CLSTN2: variants seen among roughly 807,000 people sequenced by gnomAD.
CLSTN2 encodes calsyntenin-2.
In CLSTN2, 48 loss-of-function variants were observed where a neutral mutation model predicts 101.2. The ratio of observed to expected loss-of-function variants is 0.47; its 90% CI spans 0.38 to 0.60. The LOEUF (loss-of-function observed/expected upper bound fraction) is 0.60, where lower values mean the gene tolerates loss of function less well. Among genes scored for constraint, CLSTN2 ranks in the 20% least tolerant of loss-of-function variants. The pLI is 0.00. For missense variants in CLSTN2, 1,160 were observed against 1,238.2 expected (o/e 0.94, Z 0.95); for synonymous variants, 481 against 463.6 (o/e 1.04, Z -0.48).
chr3:140,546,736 C>G (rs1209892276), intron 10 of CLSTN2, 55 bp downstream of exon 10: 7 of 1,472,326 alleles, frequency 4.8e-6, no homozygotes, highest in Middle Eastern at 2.5e-4. Flanking sequence ...GATGCCCAGC[C>G]TGCACAGCGC....
intron 2 of CLSTN2, among the ~76,000 whole-genome samples, chr3:140,296,113 T>C (rs1231292047): frequency 1.3e-5 from 2 of 152,214 alleles, no homozygotes; most frequent in African/African-American, 4.8e-5. Context: ...GTGTCTTTTC[T>C]TGCATCTACC....
intron 2 of CLSTN2, among the ~76,000 whole-genome samples, chr3:140,280,475 G>A (rs1344748368): frequency 1.2e-4 from 19 of 152,174 alleles, no homozygotes; most frequent in Non-Finnish European, 2.8e-4. Flanking sequence ...AGGCAGCTAG[G>A]ACTAGTTTGA....
intron 1 of CLSTN2, among the ~76,000 whole-genome samples, chr3:139,977,078 A>G (rs906213643): frequency 6.6e-6 from 1 of 152,064 alleles, no homozygotes; most frequent in Non-Finnish European, 1.5e-5. Context: ...CAAAACCTCA[A>G]ACTCTCTATC....
chr3:139,944,001 C>T (rs1443051484), intron 1 of CLSTN2, among the ~76,000 whole-genome samples: 2 of 152,160 alleles, frequency 1.3e-5, no homozygotes, highest in African/African-American at 4.8e-5. Flanking sequence ...TACGATTTTG[C>T]CCATCTGGCC....
intron 1 of CLSTN2, among the ~76,000 whole-genome samples, chr3:140,136,751 A>G (rs542369338): frequency 3.9e-5 from 6 of 152,328 alleles, no homozygotes; most frequent in Admixed American, 1.3e-4. Context: ...GGAAAACCCA[A>G]TGAACCCTGA....
chr3:140,353,876 C>T (rs1213940437), intron 2 of CLSTN2, among the ~76,000 whole-genome samples: 1 of 152,126 alleles, frequency 6.6e-6, no homozygotes, highest in Non-Finnish European at 1.5e-5. Flanking sequence ...AAACAGGCTG[C>T]TTTGTGATTG....
At chr3:140,202,723 T>C (rs2010732384) in intron 2 of CLSTN2, among the ~76,000 whole-genome samples, 1 of 151,902 alleles carries the variant, frequency 6.6e-6, no homozygotes. Flanking sequence ...GAAAAGGAGA[T>C]AGAATAAATG....
At chr3:140,089,943 G>T in intron 1 of CLSTN2, among the ~76,000 whole-genome samples, 1 of 148,116 alleles carries the variant, frequency 6.8e-6, no homozygotes, top group East Asian at 2.0e-4. Flanking sequence ...CCTGAGAGGG[G>T]CTCCTGGCTG....
At position 140,421,271 on chromosome 3, in the gene CLSTN2, C is replaced by G. The variant is rs768079659; in HGVS notation, c.784C>G (p.Gln262Glu). 2 of 1,614,064 alleles carry G rather than the reference C, an allele frequency of 1.2e-6. No individual in the cohort carries two copies. Among genetic ancestry groups the G allele is most frequent in the East Asian group, 4.5e-5 (2 of 44,876 alleles). ...DVKPVCKPGWQDWTKRIEYQP... is the reference protein window; with the variant it reads ...DVKPVCKPGWEDWTKRIEYQP... ...GAAGCCAGTTTGCAAGCCTGGCTGG[C>G]AAGGTGGGCCTGTTTTATCAGTCTT... The change falls in exon 5 of 17, where the codon CAA (glutamine) becomes GAA (glutamate). Residue 262 changes from glutamine (Q) to glutamate (E), a missense_variant. Coordinates refer to ENST00000458420, the MANE Select transcript of CLSTN2 (RefSeq NM_022131.3).
intron 8 of CLSTN2, among the ~76,000 whole-genome samples, chr3:140,502,755 A>G (rs1934607416): frequency 1.3e-5 from 2 of 152,182 alleles, no homozygotes; most frequent in South Asian, 4.1e-4. Flanking sequence ...GCGTACACAA[A>G]GTCTAGTATA....
chr3:140,036,196 G>C (rs543535257), intron 1 of CLSTN2, among the ~76,000 whole-genome samples: 2 of 152,212 alleles, frequency 1.3e-5, no homozygotes, highest in Non-Finnish European at 2.9e-5. Context: ...AAGCTAGATA[G>C]TATTTGAGGA....
chr3:140,132,155 A>G (rs2009533304), intron 1 of CLSTN2, among the ~76,000 whole-genome samples: 2 of 152,122 alleles, frequency 1.3e-5, no homozygotes, highest in Admixed American at 6.6e-5. Context: ...GGCTCACATA[A>G]CTCATGTTGG....
chr3:140,566,353 GTCTGGGAAGGCCTTCTCCAGCT>G lies in CLSTN2; in HGVS notation c.*103_*124del. On this transcript the variant is annotated 3_prime_UTR_variant, in exon 17 of 17. Coordinates refer to ENST00000458420, the MANE Select transcript of CLSTN2 (RefSeq NM_022131.3). The stretch of plus-strand genomic sequence containing the variant: ...ACCTCACCTCTGATGTCTGTGACAT[GTCTGGGAAGGCCTTCTCCAGCT>G]TCCTGGAGCCCACCCTTTAAGCCTT... 8.1e-7 allele frequency: 1 copy of G among 1,229,918 alleles called. No homozygotes were observed. Among genetic ancestry groups the G allele is most frequent in the Non-Finnish European group, 1.2e-6 (1 of 868,348 alleles). The allele number at this position is 1,229,918 out of a possible 1,614,324, so 76.2% of individuals were successfully genotyped here. A position where few individuals can be genotyped will look rare whatever the true frequency, so the allele number is the denominator to read the frequency against.
At chr3:139,971,395 T>C (rs1935700630) in intron 1 of CLSTN2, among the ~76,000 whole-genome samples, 1 of 152,196 alleles carries the variant, frequency 6.6e-6, no homozygotes, top group South Asian at 2.1e-4. Context: ...CAACAATCAT[T>C]TATTGAGTGT....
intron 2 of CLSTN2, among the ~76,000 whole-genome samples, chr3:140,352,164 A>T (rs2087615277): frequency 6.6e-6 from 1 of 152,222 alleles, no homozygotes; most frequent in South Asian, 2.1e-4. Context: ...TTTAAAAGAG[A>T]TGAGGTATTT....
At chr3:139,936,698 C>G (rs1935028914) in intron 1 of CLSTN2, among the ~76,000 whole-genome samples, 1 of 152,184 alleles carries the variant, frequency 6.6e-6, no homozygotes, top group African/African-American at 2.4e-5. Flanking sequence ...GAGCTGGAGG[C>G]AGGCAGTTCG....
intron 2 of CLSTN2, among the ~76,000 whole-genome samples, chr3:140,315,252 G>A (rs1226998601): frequency 1.3e-5 from 2 of 152,254 alleles, no homozygotes; most frequent in Non-Finnish European, 2.9e-5. Flanking sequence ...TAAAATGATG[G>A]GAAACCCTTG....
At chr3:139,962,422 T>A (rs1935528009) in intron 1 of CLSTN2, among the ~76,000 whole-genome samples, 1 of 152,140 alleles carries the variant, frequency 6.6e-6, no homozygotes, top group African/African-American at 2.4e-5. Context: ...CCTTTTGTAA[T>A]CCCTCCCTGC....
intron 8 of CLSTN2, among the ~76,000 whole-genome samples, chr3:140,480,243 G>A (rs1302753940): frequency 1.3e-5 from 2 of 152,086 alleles, no homozygotes; most frequent in Admixed American, 1.3e-4. Flanking sequence ...ATGATTTCCA[G>A]CTTCATCCAT....
Sources: allele counts gnomAD v4.1 joint callset (sites outside exome capture counted in the v4.1 genomes callset), GRCh38; gene constraint gnomAD v4.1.1; transcripts MANE v1.5; gene names NCBI Gene and HGNC (gene_info 2026-07-23, HGNC 2026-07-21).